The following HYAL4 variants were observed in gnomAD, a reference collection of about 807,000 sequenced individuals.
HYAL4 encodes the protein hyaluronidase-4.
A neutral mutation model predicts 35.2 loss-of-function variants in HYAL4; 37 were observed. That is an observed-to-expected ratio of 1.05 (90% CI 0.81 to 1.38). The LOEUF (loss-of-function observed/expected upper bound fraction) is 1.38. HYAL4 is among the 40% of genes most tolerant of loss of function. HYAL4 has a pLI of 0.00. For synonymous variants in HYAL4, 198 were observed against 203.2 expected, an observed-to-expected ratio of 0.97 and a Z score of 0.22; for missense variants, 572 against 572.4, an observed-to-expected ratio of 1.00 and a Z score of 0.01.
At chr7:123,788,093 G>A in the HYAL4 span, among the ~76,000 whole-genome samples, 444 of 152,286 alleles carry the variant, frequency 2.9e-3, 5 homozygotes, top group African/African-American at 0.01. Flanking sequence ...CAAGGCAGGA[G>A]GATCACTTGA....
At chr7:123,769,491 G>A in the HYAL4 span, among the ~76,000 whole-genome samples, 1 of 152,164 alleles carries the variant, frequency 6.6e-6, no homozygotes, top group Non-Finnish European at 1.5e-5. Context: ...TGGCCCTTCA[G>A]AGTATTCCTG....
At chr7:123,801,928 T>C in the HYAL4 span, among the ~76,000 whole-genome samples, 1 of 152,226 alleles carries the variant, frequency 6.6e-6, no homozygotes, top group African/African-American at 2.4e-5. Flanking sequence ...GTGAGGGCAG[T>C]GCATTTTTTT....
chr7:123,778,642 T>C, the HYAL4 span, among the ~76,000 whole-genome samples: 3 of 152,032 alleles, frequency 2.0e-5, no homozygotes, highest in African/African-American at 7.2e-5. Context: ...AAAGTGAAGT[T>C]GTGATCTCGG....
chr7:123,861,120 A>G (rs1472639854), intron 2 of HYAL4, among the ~76,000 whole-genome samples: 1 of 152,076 alleles, frequency 6.6e-6, no homozygotes, highest in African/African-American at 2.4e-5. Context: ...ACTGGGATCC[A>G]ACTCTCTCCT....
At chr7:123,820,824 C>A in the HYAL4 span, among the ~76,000 whole-genome samples, 1 of 152,116 alleles carries the variant, frequency 6.6e-6, no homozygotes, top group African/African-American at 2.4e-5. Flanking sequence ...CACCCTCAGC[C>A]CCTTACAACT....
intron 2 of HYAL4, among the ~76,000 whole-genome samples, chr7:123,859,937 G>T (rs1806541293): frequency 1.3e-5 from 2 of 152,098 alleles, no homozygotes; most frequent in Non-Finnish European, 2.9e-5. Context: ...TATCCCTCCT[G>T]ATATGGTTTG....
intron 2 of HYAL4, among the ~76,000 whole-genome samples, chr7:123,859,825 C>T (rs533509480): frequency 6.6e-6 from 1 of 152,266 alleles, no homozygotes; most frequent in African/African-American, 2.4e-5. Flanking sequence ...TTACAAAATT[C>T]CAACAGAACT....
chr7:123,793,467 T>C, the HYAL4 span, among the ~76,000 whole-genome samples: 1 of 152,220 alleles, frequency 6.6e-6, no homozygotes, highest in African/African-American at 2.4e-5. Flanking sequence ...CCAAATCTTA[T>C]CTTGAATTGT....
chr7:123,784,655 T>C, the HYAL4 span, among the ~76,000 whole-genome samples: 10,031 of 152,278 alleles, frequency 0.066, 422 homozygotes, highest in East Asian at 0.11. Flanking sequence ...AATGTTTTTC[T>C]CAAAGGACTT....
intron 1 of HYAL4, among the ~76,000 whole-genome samples, chr7:123,847,214 T>A (rs1806193171): frequency 6.6e-6 from 1 of 152,218 alleles, no homozygotes; most frequent in South Asian, 2.1e-4. Context: ...GTTTTTGTCT[T>A]TCTACTTTTA....
At chr7:123,869,475 C>T (rs553490341) in intron 3 of HYAL4, among the ~76,000 whole-genome samples, 21 of 152,220 alleles carry the variant, frequency 1.4e-4, no homozygotes, top group Admixed American at 7.2e-4. Context: ...ATACCAGCAA[C>T]GACTACATTT....
intron 1 of HYAL4, among the ~76,000 whole-genome samples, chr7:123,834,830 G>C (rs1345351334): frequency 6.6e-6 from 1 of 152,158 alleles, no homozygotes; most frequent in African/African-American, 2.4e-5. Context: ...TGCATCTATT[G>C]AGATGATCAT....
chr7:123,818,670 T>C, the HYAL4 span, among the ~76,000 whole-genome samples: 1 of 152,186 alleles, frequency 6.6e-6, no homozygotes, highest in South Asian at 2.1e-4. Context: ...GCCTGGAACA[T>C]TGTAAATATT....
chr7:123,877,013 G>A lies in HYAL4; in HGVS notation c.1304G>A (p.Cys435Tyr). 6.2e-7 allele frequency: 1 copy of A among 1,614,212 alleles called. No individual in the cohort carries two copies. Among genetic ancestry groups the A allele is most frequent in the Non-Finnish European group, 8.5e-7 (1 of 1,180,028 alleles). ...GCAGTGATGGCAGATACATTTTCCT[G>A]TCATTGTTATCAGGGATATGAAGGA... is the stretch of plus-strand genomic sequence containing the variant. ...DLAVMADTFS[C>Y]HCYQGYEGAD... Residue 435 changes from cysteine (C) to tyrosine (Y), a missense_variant, in exon 5 of 5, where the codon TGT becomes TAT. Coordinates refer to ENST00000223026, the MANE Select transcript of HYAL4 (RefSeq NM_012269.3).
At chr7:123,773,040 G>A in the HYAL4 span, among the ~76,000 whole-genome samples, 2 of 152,174 alleles carry the variant, frequency 1.3e-5, no homozygotes, top group Admixed American at 1.3e-4. Context: ...TTTTTCTTAT[G>A]TCATTGGAAC....
intron 2 of HYAL4, among the ~76,000 whole-genome samples, chr7:123,854,898 G>A (rs1460456471): frequency 6.6e-6 from 1 of 152,062 alleles, no homozygotes; most frequent in African/African-American, 2.4e-5. Context: ...TATGAATCTG[G>A]GTGCTCCTGT....
chr7:123,812,680 G>T, the HYAL4 span, among the ~76,000 whole-genome samples: 1 of 152,078 alleles, frequency 6.6e-6, no homozygotes, highest in East Asian at 1.9e-4. Context: ...GTTCCCAAGG[G>T]TGTCAGTTTA....
the HYAL4 span, among the ~76,000 whole-genome samples, chr7:123,770,440 T>TAA: frequency 4.2e-5 from 5 of 118,504 alleles, no homozygotes; most frequent in South Asian, 2.8e-4. Flanking sequence ...AGACTCCATC[T>TAA]AAAAAAAAAA....
chr7:123,841,610 T>A (rs1806067637), upstream of HYAL4, among the ~76,000 whole-genome samples: 1 of 152,042 alleles, frequency 6.6e-6, no homozygotes, highest in African/African-American at 2.4e-5. Flanking sequence ...CGGCTGTGAA[T>A]CTGTCTGGTC....
Sources: gnomAD v4.1 joint callset for allele counts (sites outside exome capture counted in the v4.1 genomes callset) on GRCh38, gnomAD v4.1.1 for gene constraint, MANE v1.5 for transcripts, NCBI Gene and HGNC (gene_info 2026-07-23, HGNC 2026-07-21) for gene names.